Variants in PIK3R3 observed in about 807,000 individuals in gnomAD.
PIK3R3 encodes phosphoinositide-3-kinase regulatory subunit 3.
Under a neutral mutation model 62.9 loss-of-function variants are expected in PIK3R3, and 64 were observed. The ratio of observed to expected loss-of-function variants is 1.02; its 90% CI spans 0.83 to 1.25. PIK3R3 has a LOEUF of 1.25. PIK3R3 is among the 50% of genes most tolerant of loss of function. PIK3R3 has a pLI of 0.00. For synonymous variants in PIK3R3, 165 were observed against 189.0 expected, an observed-to-expected ratio of 0.87 and a Z score of 1.04; for missense variants, 614 against 561.6, an observed-to-expected ratio of 1.09 and a Z score of -0.94.
chr1:46,149,690 C>T, the PIK3R3 span, among the ~76,000 whole-genome samples: 10 of 151,968 alleles, frequency 6.6e-5, no homozygotes, highest in African/African-American at 2.4e-4. Flanking sequence ...ACCACCACAC[C>T]CAGCTATTTT....
chr1:46,158,741 A>G, the PIK3R3 span, among the ~76,000 whole-genome samples: 2 of 152,240 alleles, frequency 1.3e-5, no homozygotes, highest in Admixed American at 6.5e-5. Flanking sequence ...ATCACAAATC[A>G]TTATCAAAAA....
chr1:46,055,390 G>A (rs909452392), intron 7 of PIK3R3, among the ~76,000 whole-genome samples: 3 of 152,174 alleles, frequency 2.0e-5, no homozygotes, highest in African/African-American at 4.8e-5. Flanking sequence ...GGTTACAGGC[G>A]TAAGCCACAG....
chr1:46,061,324 T>C (rs1264873960), intron 6 of PIK3R3, among the ~76,000 whole-genome samples: 1 of 152,224 alleles, frequency 6.6e-6, no homozygotes, highest in Non-Finnish European at 1.5e-5. Flanking sequence ...CCGCTTCTTT[T>C]CTGCTATTTC....
At chr1:46,069,080 T>G (rs971311885) in intron 3 of PIK3R3, among the ~76,000 whole-genome samples, 13 of 152,184 alleles carry the variant, frequency 8.5e-5, no homozygotes, top group African/African-American at 3.1e-4. Context: ...TCTTAACATA[T>G]TTTGAAGATA....
upstream of PIK3R3, among the ~76,000 whole-genome samples, chr1:46,136,508 C>T (rs1351547808): frequency 6.6e-6 from 1 of 152,158 alleles, no homozygotes. Flanking sequence ...TTTTACCTTT[C>T]CTCATCTTTC....
At chr1:46,053,350 T>A (rs1053550669) in intron 7 of PIK3R3, among the ~76,000 whole-genome samples, 5 of 152,204 alleles carry the variant, frequency 3.3e-5, no homozygotes, top group Non-Finnish European at 7.3e-5. Context: ...CTGTATTTAG[T>A]TTATACAACC....
chr1:46,064,795 T>C (rs1648843834), intron 5 of PIK3R3, among the ~76,000 whole-genome samples: 2 of 152,188 alleles, frequency 1.3e-5, no homozygotes, highest in African/African-American at 4.8e-5. Flanking sequence ...TAAAGGAAAA[T>C]GTATTGCTTT....
Position 46,040,524 on chromosome 1 carries a change from G to T in PIK3R3, c.*3149C>A, listed in dbSNP as rs1646977309. The T allele has an allele frequency of 4.4e-6, 1 of 228,286 alleles. No individual in the cohort carries two copies. The highest frequency in any genetic ancestry group is 1.8e-4 in the South Asian group (1 of 5,476). The allele number at this position is 228,286 out of a possible 1,614,324, so 14.1% of individuals were successfully genotyped here. ...TTTGCCACAAGTGGCTGGAGCTAAA[G>T]CAGGTTTGAGCAGTTGGCAGCAGAG... On this transcript the variant is annotated 3_prime_UTR_variant, in exon 10 of 10. Transcript: ENST00000262741.
intron 1 of PIK3R3, among the ~76,000 whole-genome samples, chr1:46,090,688 A>T (rs1651545602): frequency 6.6e-6 from 1 of 152,228 alleles, no homozygotes. Flanking sequence ...AAATTATATT[A>T]AAAATAAAGT....
chr1:46,158,947 C>T, the PIK3R3 span, among the ~76,000 whole-genome samples: 3 of 151,956 alleles, frequency 2.0e-5, no homozygotes, highest in African/African-American at 4.8e-5. Flanking sequence ...ATTAGCCAGG[C>T]GTGGTGGCGC....
At chr1:46,087,113 G>A (rs188559161) in intron 1 of PIK3R3, among the ~76,000 whole-genome samples, 6 of 152,298 alleles carry the variant, frequency 3.9e-5, no homozygotes, top group Admixed American at 3.3e-4. Flanking sequence ...ACCAGGGCCC[G>A]TCGTGTGTGG....
upstream of PIK3R3, among the ~76,000 whole-genome samples, chr1:46,136,436 G>A (rs1444573759): frequency 6.6e-6 from 1 of 152,174 alleles, no homozygotes; most frequent in Non-Finnish European, 1.5e-5. Flanking sequence ...AGACAGCAGT[G>A]TCTAAAATCG....
chr1:46,061,409 TCCTG>T (rs1648467138), intron 6 of PIK3R3, among the ~76,000 whole-genome samples: 1 of 152,230 alleles, frequency 6.6e-6, no homozygotes, highest in Non-Finnish European at 1.5e-5. Flanking sequence ...AGGCTGGTGT[TCCTG>T]CCTACAGTCT....
the PIK3R3 span, among the ~76,000 whole-genome samples, chr1:46,148,426 A>G: frequency 8.5e-5 from 13 of 152,190 alleles, no homozygotes; most frequent in African/African-American, 3.1e-4. Context: ...CCAGGGTTAC[A>G]TTGCATCCAA....
chr1:46,130,126 T>C (rs1218809127), intron 1 of PIK3R3, among the ~76,000 whole-genome samples: 1 of 152,190 alleles, frequency 6.6e-6, no homozygotes, highest in African/African-American at 2.4e-5. Flanking sequence ...TTCTTCATTT[T>C]CTCCCCTCCT....
intron 1 of PIK3R3, among the ~76,000 whole-genome samples, chr1:46,114,585 G>A (rs141429220): frequency 6.6e-6 from 1 of 151,966 alleles, no homozygotes; most frequent in Non-Finnish European, 1.5e-5. Flanking sequence ...CATTTTGGGG[G>A]TAGGACCTAG....
intron 1 of PIK3R3, among the ~76,000 whole-genome samples, chr1:46,098,195 C>A (rs1305562804): frequency 6.6e-6 from 1 of 152,104 alleles, no homozygotes; most frequent in Non-Finnish European, 1.5e-5. Flanking sequence ...AAATGCAAAT[C>A]GAAACCACAG....
At chr1:46,100,951 G>A (rs1652604277) in intron 1 of PIK3R3, among the ~76,000 whole-genome samples, 1 of 151,982 alleles carries the variant, frequency 6.6e-6, no homozygotes, top group African/African-American at 2.4e-5. Flanking sequence ...ACTTTGGGAG[G>A]CTGAGGTAGG....
chr1:46,110,132 G>A (rs1332006671), intron 1 of PIK3R3, among the ~76,000 whole-genome samples: 9 of 150,346 alleles, frequency 6.0e-5, no homozygotes, highest in Admixed American at 3.3e-4. Flanking sequence ...TTCTTTTTGA[G>A]ATGGGGTCTC....
Sources: allele counts gnomAD v4.1 joint callset (sites outside exome capture counted in the v4.1 genomes callset), GRCh38; gene constraint gnomAD v4.1.1; transcripts MANE v1.5; gene names NCBI Gene and HGNC (gene_info 2026-07-23, HGNC 2026-07-21).